Variants in TMEM117 observed in about 807,000 individuals in gnomAD.
TMEM117 encodes the protein transmembrane protein 117.
In TMEM117, 27 loss-of-function variants were observed where a neutral mutation model predicts 52.4. The observed-to-expected ratio is 0.51, with a 90% CI of 0.38 to 0.71. The LOEUF is 0.71. Ranked by LOEUF, TMEM117 falls within the 30% of genes least tolerant of loss-of-function variation. TMEM117 has a pLI of 0.00. For missense variants in TMEM117, 556 were observed against 630.5 expected, an observed-to-expected ratio of 0.88 and a Z score of 1.26; for synonymous variants, 215 against 206.3, an observed-to-expected ratio of 1.04 and a Z score of -0.36.
chr12:44,328,437 A>G (rs1951224102), intron 6 of TMEM117, among the ~76,000 whole-genome samples: 1 of 152,146 alleles, frequency 6.6e-6, no homozygotes, highest in South Asian at 2.1e-4. Context: ...AGATTTACAG[A>G]AACAGTGCAT....
intron 6 of TMEM117, among the ~76,000 whole-genome samples, chr12:44,322,196 G>T (rs1265991544): frequency 6.6e-6 from 1 of 152,156 alleles, no homozygotes; most frequent in African/African-American, 2.4e-5. Flanking sequence ...CCCAGATGTT[G>T]TTACTTCGTA....
chr12:44,148,523 G>A (rs1948677533), intron 4 of TMEM117, among the ~76,000 whole-genome samples: 1 of 152,040 alleles, frequency 6.6e-6, no homozygotes, highest in African/African-American at 2.4e-5. Flanking sequence ...TTATGTATAA[G>A]TACTGCAATA....
chr12:43,813,672 A>G, the TMEM117 span, among the ~76,000 whole-genome samples: 2 of 151,862 alleles, frequency 1.3e-5, no homozygotes, highest in African/African-American at 4.8e-5. Flanking sequence ...TGTTTTCTAC[A>G]CTCTCAAAGA....
At chr12:44,145,527 C>G (rs561553536) in intron 4 of TMEM117, among the ~76,000 whole-genome samples, 3 of 152,296 alleles carry the variant, frequency 2.0e-5, no homozygotes, top group African/African-American at 7.2e-5. Flanking sequence ...TGTGATGTGA[C>G]TTAAAATGCT....
chr12:43,925,252 A>T (rs571635267), intron 2 of TMEM117, among the ~76,000 whole-genome samples: 1 of 151,586 alleles, frequency 6.6e-6, no homozygotes, highest in Non-Finnish European at 1.5e-5. Context: ...CAGAGGTGAG[A>T]CTCATTGAGG....
At chr12:44,224,797 G>T (rs764475938) in intron 5 of TMEM117, among the ~76,000 whole-genome samples, 44 of 152,084 alleles carry the variant, frequency 2.9e-4, no homozygotes, top group African/African-American at 9.9e-4. Context: ...GTGAGTGCAG[G>T]TGTCATTGTA....
intron 3 of TMEM117, among the ~76,000 whole-genome samples, chr12:43,953,180 C>A (rs1290579635): frequency 1.3e-5 from 2 of 152,052 alleles, no homozygotes; most frequent in East Asian, 3.9e-4. Context: ...AAACCATTAC[C>A]AGCTACTACA....
chr12:43,904,629 C>G (rs1944355286), intron 2 of TMEM117, among the ~76,000 whole-genome samples: 2 of 152,080 alleles, frequency 1.3e-5, no homozygotes, highest in African/African-American at 4.8e-5. Flanking sequence ...CTCAATAGCA[C>G]TACATTGATC....
chr12:44,094,075 C>T (rs1179609458), intron 3 of TMEM117, among the ~76,000 whole-genome samples: 1 of 151,990 alleles, frequency 6.6e-6, no homozygotes, highest in Non-Finnish European at 1.5e-5. Flanking sequence ...GTATTACGAC[C>T]CTTGTTTGAT....
chr12:44,347,840 C>A (rs1397752412), intron 6 of TMEM117, among the ~76,000 whole-genome samples: 1 of 151,936 alleles, frequency 6.6e-6, no homozygotes, highest in Admixed American at 6.6e-5. Context: ...AGTTTCAAAT[C>A]TGGCTGCATG....
intron 3 of TMEM117, among the ~76,000 whole-genome samples, chr12:44,095,345 A>G (rs1947739755): frequency 6.6e-6 from 1 of 152,134 alleles, no homozygotes; most frequent in East Asian, 1.9e-4. Flanking sequence ...AAAAACTTTG[A>G]GAAAAATAAG....
chr12:44,294,247 C>A (rs995699380), intron 5 of TMEM117, among the ~76,000 whole-genome samples: 3 of 152,098 alleles, frequency 2.0e-5, no homozygotes, highest in Admixed American at 2.0e-4. Context: ...TTATTGAAGA[C>A]TTTAGTCAAT....
intron 3 of TMEM117, among the ~76,000 whole-genome samples, chr12:43,947,573 G>A (rs994050802): frequency 3.9e-5 from 6 of 152,152 alleles, no homozygotes; most frequent in Admixed American, 2.6e-4. Context: ...GCCAGAGAGT[G>A]CAGAAAGGAC....
intron 3 of TMEM117, among the ~76,000 whole-genome samples, chr12:43,997,916 A>G (rs948254970): frequency 2.6e-5 from 4 of 152,096 alleles, no homozygotes; most frequent in African/African-American, 4.8e-5. Flanking sequence ...ATCCAGTTCA[A>G]TCTCCTTTTA....
intron 5 of TMEM117, among the ~76,000 whole-genome samples, chr12:44,242,046 A>G (rs946799107): frequency 6.6e-6 from 1 of 151,850 alleles, no homozygotes; most frequent in African/African-American, 2.4e-5. Flanking sequence ...CTTGCTCTGC[A>G]TGGAGTTCAG....
intron 5 of TMEM117, among the ~76,000 whole-genome samples, chr12:44,262,668 G>A (rs539669443): frequency 5.3e-5 from 8 of 152,096 alleles, no homozygotes; most frequent in Admixed American, 3.3e-4. Flanking sequence ...ATGGAATCTC[G>A]CTCTGCATCC....
chr12:44,022,925 G>A (rs73087684), intron 3 of TMEM117, among the ~76,000 whole-genome samples: 24,117 of 152,118 alleles, frequency 0.16, 2,855 homozygotes, highest in African/African-American at 0.33. Flanking sequence ...GAGGTCTGGC[G>A]TCTAATCAAA....
At chr12:44,070,262 A>G (rs550189268) in intron 3 of TMEM117, among the ~76,000 whole-genome samples, 1 of 152,080 alleles carries the variant, frequency 6.6e-6, no homozygotes, top group Admixed American at 6.6e-5. Flanking sequence ...TTTTTGTTTC[A>G]TGGTTATAGG....
intron 5 of TMEM117, among the ~76,000 whole-genome samples, chr12:44,279,926 G>A (rs760302198): frequency 2.0e-5 from 3 of 152,110 alleles, no homozygotes; most frequent in Non-Finnish European, 4.4e-5. Flanking sequence ...TGGGCCACTA[G>A]TTTGTTCCTG....
Sources: gnomAD v4.1 joint callset for allele counts (sites outside exome capture counted in the v4.1 genomes callset) on GRCh38, gnomAD v4.1.1 for gene constraint, MANE v1.5 for transcripts, NCBI Gene and HGNC (gene_info 2026-07-23, HGNC 2026-07-21) for gene names.